CDK20: variants seen among roughly 807,000 people sequenced by gnomAD.
The protein encoded by CDK20 is cyclin dependent kinase 20.
A neutral mutation model predicts 38.6 loss-of-function variants in CDK20; 40 were observed. The ratio of observed to expected loss-of-function variants is 1.04; its 90% CI spans 0.81 to 1.35. The LOEUF (loss-of-function observed/expected upper bound fraction) is 1.35. Ranked by LOEUF, CDK20 falls within the 40% of genes most tolerant of loss-of-function variation. The probability of loss-of-function intolerance (pLI) is 0.00; values close to 1 mark genes in which losing one functional copy is unlikely to be tolerated. For missense variants in CDK20, 512 were observed against 452.6 expected (o/e 1.13, Z -1.19); for synonymous variants, 209 against 185.7 (o/e 1.13, Z -1.02).
chr9:87,969,797 G>A lies in CDK20; in HGVS notation c.686C>T (p.Pro229Leu), dbSNP rs545862742. ...ILGTPNPQVW[P>L]ELTELPDYNK... ...ACCTCACCAAGGGCCCCTACAAACCGGCCAGACTTGAGGGTTTGGGGTGCC... is the reference window on the plus strand; with the variant it reads ...ACCTCACCAAGGGCCCCTACAAACCAGCCAGACTTGAGGGTTTGGGGTGCC... The change falls in exon 6 of 8, where the codon CCG becomes CTG. Residue 229 changes from proline to leucine, a missense_variant and splice_region_variant. Pro to Leu is a moderately conservative substitution (Grantham distance 98). Coordinates refer to ENST00000325303, the MANE Select transcript of CDK20 (RefSeq NM_001039803.3). The A allele has an allele frequency of 3.0e-5, 49 of 1,613,632 alleles. No individual in the cohort carries two copies. The highest frequency in any genetic ancestry group is 9.9e-5 in the South Asian group (9 of 91,042).
chr9:87,968,862 T>G, intron 7 of CDK20: 1 of 321,294 alleles, frequency 3.1e-6, no homozygotes. Context: ...AAGGAATGAG[T>G]CCCCAGTGAC....
intron 7 of CDK20, 199 bp downstream of exon 7, chr9:87,968,995 T>A (rs923121582): frequency 1.3e-5 from 8 of 600,676 alleles, no homozygotes; most frequent in Non-Finnish European, 2.3e-5. Flanking sequence ...TCTGGGGATG[T>A]CCAGTGGGGT....
In CDK20 at chr9:87,967,177, C is replaced by T. The variant is rs530053875; in HGVS notation, c.*285G>A. ...TTCTGCATATGCAGGCCTTGACTGG[C>T]AGCAGAGCTCACTGTCCTGATGGGT... On this transcript the variant is annotated 3_prime_UTR_variant, in exon 8 of 8. Transcript: ENST00000325303. 1.5e-6 allele frequency: 1 copy of T among 661,064 alleles called. No individual in the cohort carries two copies. The highest frequency in any genetic ancestry group is 1.8e-5 in the Admixed American group (1 of 54,820). 40.9% of individuals were successfully genotyped at this position (661,064 alleles called of 1,614,324 possible). A position where few individuals can be genotyped will look rare whatever the true frequency, so the allele number is the denominator to read the frequency against.
At position 87,970,570 on chromosome 9, in the gene CDK20, C is replaced by T; in HGVS notation, c.561G>A (p.Leu187=). ...TTGACCACCCACAGGGGTCTCACCA[C>T]AGATCGACGCCCTGGTCATACTGGC... ...GARQYDQGVD[L]WSVGCIMGEL... The change falls in exon 5 of 8, where the codon CTG becomes CTA. Residue 187 remains leucine (L), a splice_region_variant and synonymous_variant. Coordinates refer to ENST00000325303, the MANE Select transcript of CDK20 (RefSeq NM_001039803.3). The T allele has an allele frequency of 6.2e-7, 1 of 1,613,946 alleles. No individual in the cohort carries two copies. The highest frequency in any genetic ancestry group is 8.5e-7 in the Non-Finnish European group (1 of 1,179,896).
chr9:87,974,090 G>A, intron 1 of CDK20, 55 bp from the exon 2 acceptor site: 1 of 1,611,470 alleles, frequency 6.2e-7, no homozygotes, highest in Non-Finnish European at 8.5e-7. Context: ...AAAGAGAGAT[G>A]AAGGTGGGTG....
At chr9:87,967,820 A>T in intron 7 of CDK20, 161 bp from the exon 8 acceptor site, 1 of 603,148 alleles carries the variant, frequency 1.7e-6, no homozygotes, top group Non-Finnish European at 2.8e-6. Flanking sequence ...AGCTGGGAAC[A>T]TAGCCGTTAA....
chr9:87,974,302 G>C (rs1167890053), intron 1 of CDK20, 70 bp downstream of exon 1: 3 of 1,504,046 alleles, frequency 2.0e-6, no homozygotes, highest in Non-Finnish European at 2.7e-6. Context: ...AACCGAAACA[G>C]TTTAGAGCGT....
chr9:87,971,443 CAGTA>C (rs1166992072), intron 2 of CDK20, 108 bp from the exon 3 acceptor site: 6 of 1,005,262 alleles, frequency 6.0e-6, no homozygotes, highest in African/African-American at 1.6e-5. Context: ...TCCAAAAAGA[CAGTA>C]AGCAAAGAAG....
At chr9:87,970,294 C>T (rs914879052) in intron 5 of CDK20, 19 of 507,112 alleles carry the variant, frequency 3.7e-5, no homozygotes, top group Non-Finnish European at 5.6e-5. Flanking sequence ...GATCTAACTC[C>T]AGCACATATC....
intron 5 of CDK20, 120 bp from the exon 6 acceptor site, chr9:87,970,039 C>T: frequency 8.3e-7 from 1 of 1,199,122 alleles, no homozygotes; most frequent in Non-Finnish European, 1.1e-6. Context: ...CCTGGAGCCT[C>T]ACGTCCAGAG....
chr9:87,970,825 C>CT lies in CDK20; in HGVS notation c.450dup (p.Val151SerfsTer32). The CT allele has an allele frequency of 6.2e-7, 1 of 1,614,080 alleles. No homozygotes were observed. The highest frequency in any genetic ancestry group is 8.5e-7 in the Non-Finnish European group (1 of 1,180,018). ...AGGCGGCTGCCGTCTGGGGAAAAGA[C>CT]TCGAGCCAGGCCAAAGTCCGCTATC... On this transcript the variant is annotated frameshift_variant, in exon 4 of 8. Coordinates refer to ENST00000325303, the MANE Select transcript of CDK20 (RefSeq NM_001039803.3). LOFTEE classifies it high-confidence loss of function.
intron 3 of CDK20, 86 bp downstream of exon 3, chr9:87,971,061 C>A (rs767984302): frequency 5.5e-5 from 84 of 1,520,970 alleles, no homozygotes; most frequent in Non-Finnish European, 7.3e-5. Context: ...GTCCCAACTT[C>A]TTATCACACC....
chr9:87,974,157 C>T, intron 1 of CDK20, 122 bp from the exon 2 acceptor site: 2 of 1,529,900 alleles, frequency 1.3e-6, no homozygotes, highest in South Asian at 1.2e-5. Flanking sequence ...AGGCCCTCCT[C>T]GGGGGTCTAG....
intron 2 of CDK20, among the ~76,000 whole-genome samples, chr9:87,973,716 TGAAA>T (rs1343937090): frequency 3.3e-5 from 5 of 151,688 alleles, no homozygotes; most frequent in African/African-American, 7.3e-5. Flanking sequence ...GTGTGAGAAA[TGAAA>T]GAAATAGGTA....
intron 1 of CDK20, 128 bp from the exon 2 acceptor site, chr9:87,974,163 T>C (rs1830065955): frequency 6.7e-7 from 1 of 1,500,770 alleles, no homozygotes; most frequent in Non-Finnish European, 9.0e-7. Context: ...TCCTCGGGGG[T>C]CTAGGACTAG....
intron 5 of CDK20, 140 bp downstream of exon 5, chr9:87,970,428 G>A: frequency 1.3e-6 from 1 of 772,874 alleles, no homozygotes; most frequent in Non-Finnish European, 2.1e-6. Flanking sequence ...AAAGTGCTCA[G>A]AATACCCCAA....
chr9:87,969,541 TGAC>T, intron 6 of CDK20, 192 bp from the exon 7 acceptor site: 3 of 770,990 alleles, frequency 3.9e-6, no homozygotes, highest in Non-Finnish European at 6.2e-6. Context: ...CCCTCTCAGA[TGAC>T]GACTCTGTGC....
chr9:87,968,065 G>C (rs1829552502), intron 7 of CDK20: 1 of 166,186 alleles, frequency 6.0e-6, no homozygotes, highest in Non-Finnish European at 1.3e-5. Flanking sequence ...GGGACATGAG[G>C]CTCCAGGCCA....
intron 6 of CDK20, 153 bp from the exon 7 acceptor site, chr9:87,969,502 A>G (rs1189911503): frequency 2.3e-6 from 2 of 857,882 alleles, no homozygotes; most frequent in East Asian, 5.3e-5. Context: ...TCACTCACCC[A>G]CCCCTGTATT....
Sources: allele counts gnomAD v4.1 joint callset (sites outside exome capture counted in the v4.1 genomes callset), GRCh38; gene constraint gnomAD v4.1.1; transcripts MANE v1.5; gene names NCBI Gene and HGNC (gene_info 2026-07-23, HGNC 2026-07-21).